IGSF11: variants seen among roughly 807,000 people sequenced by gnomAD.
IGSF11 encodes CXADR like 1.
IGSF11 carries 22 observed loss-of-function variants against 41.0 expected under a neutral mutation model. The ratio of observed to expected loss-of-function variants is 0.54; its 90% CI spans 0.38 to 0.77. IGSF11 has a LOEUF of 0.77. Among genes scored for constraint, IGSF11 ranks in the 30% least tolerant of loss-of-function variants. The pLI is 0.00. For synonymous variants in IGSF11, 219 were observed against 201.3 expected (o/e 1.09, Z -0.74); for missense variants, 444 against 530.8 (o/e 0.84, Z 1.61).
intron 1 of IGSF11, among the ~76,000 whole-genome samples, chr3:119,000,062 TC>T (rs1360659321): frequency 9.5e-5 from 14 of 147,070 alleles, no homozygotes; most frequent in South Asian, 4.2e-4. Context: ...GATTCATTAT[TC>T]TTTTTTTTTT....
chr3:118,988,764 G>A (rs1258470008), intron 1 of IGSF11, among the ~76,000 whole-genome samples: 2 of 152,114 alleles, frequency 1.3e-5, no homozygotes, highest in African/African-American at 2.4e-5. Flanking sequence ...ATGGCACTAC[G>A]AGTTCTATTC....
Position 119,034,757 on chromosome 3 carries a change from C to G in IGSF11, c.-175G>C. ...AGACCCACAGACGAGCCAAGTGCAGCTGCAGCGCCGCCCGGCTCCGCGGAC... is the reference window on the plus strand; with the variant it reads ...AGACCCACAGACGAGCCAAGTGCAGGTGCAGCGCCGCCCGGCTCCGCGGAC... On this transcript the variant is annotated 5_prime_UTR_variant, in exon 1 of 7. Coordinates refer to ENST00000393775, the MANE Select transcript of IGSF11 (RefSeq NM_001015887.3). The G allele has an allele frequency of 7.6e-7, 1 of 1,317,726 alleles. No individual in the cohort carries two copies. Among genetic ancestry groups the G allele is most frequent in the Non-Finnish European group, 9.7e-7 (1 of 1,032,162 alleles). The allele number at this position is 1,317,726 out of a possible 1,614,324, so 81.6% of individuals were successfully genotyped here.
intron 1 of IGSF11, chr3:118,944,724 T>G (rs1943986118): frequency 6.6e-6 from 1 of 152,192 alleles, no homozygotes; most frequent in Non-Finnish European, 1.5e-5. Context: ...ACAGTAAATG[T>G]TCAATATATT....
chr3:119,074,006 G>A (rs909864137), intron 1 of IGSF11, among the ~76,000 whole-genome samples: 39 of 152,174 alleles, frequency 2.6e-4, no homozygotes, highest in Non-Finnish European at 5.9e-5. Context: ...GGAGCACCCC[G>A]ATTCATAAAA....
At chr3:119,021,969 C>T (rs779026946) in intron 1 of IGSF11, among the ~76,000 whole-genome samples, 1 of 152,138 alleles carries the variant, frequency 6.6e-6, no homozygotes, top group South Asian at 2.1e-4. Flanking sequence ...TTTAAACCCA[C>T]TGAAACCAAG....
chr3:119,056,831 T>A (rs1447205102), intron 1 of IGSF11, among the ~76,000 whole-genome samples: 7 of 152,178 alleles, frequency 4.6e-5, no homozygotes. Flanking sequence ...TGCAAATCAA[T>A]CAACTTAATC....
chr3:118,994,975 A>C (rs959551415), intron 1 of IGSF11, among the ~76,000 whole-genome samples: 1 of 152,216 alleles, frequency 6.6e-6, no homozygotes, highest in Non-Finnish European at 1.5e-5. Flanking sequence ...TATGTAATAG[A>C]AAAGCGGCTT....
upstream of IGSF11, among the ~76,000 whole-genome samples, chr3:119,109,360 T>A (rs2077099504): frequency 6.6e-6 from 1 of 152,114 alleles, no homozygotes; most frequent in Admixed American, 6.6e-5. Context: ...CTTCTAGATT[T>A]TCTAGTTTAT....
chr3:118,981,956 A>G (rs562195748), intron 1 of IGSF11: 1 of 152,580 alleles, frequency 6.6e-6, no homozygotes, highest in African/African-American at 2.4e-5. Flanking sequence ...AATAACATAC[A>G]CTGCTTGTTA....
chr3:118,908,166 GC>G (rs2107475888), intron 4 of IGSF11, among the ~76,000 whole-genome samples: 1 of 152,256 alleles, frequency 6.6e-6, no homozygotes, highest in South Asian at 2.1e-4. Flanking sequence ...ATTTTAAACA[GC>G]TCCTCTACGC....
intron 4 of IGSF11, among the ~76,000 whole-genome samples, chr3:118,923,731 T>C (rs1341326376): frequency 6.6e-6 from 1 of 152,204 alleles, no homozygotes; most frequent in African/African-American, 2.4e-5. Context: ...TTTTTCAATT[T>C]GAACAGTTTT....
chr3:119,061,712 A>G (rs1942057155), intron 1 of IGSF11, among the ~76,000 whole-genome samples: 1 of 152,116 alleles, frequency 6.6e-6, no homozygotes, highest in African/African-American at 2.4e-5. Context: ...AACCCAAACT[A>G]AGACAACTAA....
intron 1 of IGSF11, among the ~76,000 whole-genome samples, chr3:119,102,893 C>A (rs1390208075): frequency 6.6e-6 from 1 of 151,850 alleles, no homozygotes; most frequent in Non-Finnish European, 1.5e-5. Context: ...CTTAGTATGT[C>A]TTCTCTGAGC....
intron 1 of IGSF11, among the ~76,000 whole-genome samples, chr3:119,097,957 A>ATT (rs377746200): frequency 0.24 from 14,199 of 58,142 alleles, 3,636 homozygotes; most frequent in South Asian, 0.32. Flanking sequence ...CATTCAGCTA[A>ATT]TTTTTTTTTT....
intron 1 of IGSF11, among the ~76,000 whole-genome samples, chr3:119,135,191 CA>C (rs2077542990): frequency 6.6e-6 from 1 of 152,270 alleles, no homozygotes; most frequent in African/African-American, 2.4e-5. Flanking sequence ...GCAATGGCAA[CA>C]AAAGCCAAAA....
At chr3:119,027,377 C>A (rs1939925550) in intron 1 of IGSF11, among the ~76,000 whole-genome samples, 1 of 151,956 alleles carries the variant, frequency 6.6e-6, no homozygotes, top group African/African-American at 2.4e-5. Flanking sequence ...AGTGTGAGAC[C>A]AGATATTCTT....
At chr3:118,949,124 T>C (rs1037798852) in intron 1 of IGSF11, 3 of 151,858 alleles carry the variant, frequency 2.0e-5, no homozygotes, top group Admixed American at 1.3e-4. Flanking sequence ...CAGGGTAGCA[T>C]AGAGGACAAA....
intron 1 of IGSF11, among the ~76,000 whole-genome samples, chr3:119,142,951 T>C (rs2077669667): frequency 6.6e-6 from 1 of 152,106 alleles, no homozygotes; most frequent in Non-Finnish European, 1.5e-5. Context: ...ACAACATATT[T>C]ACAGTTGAAA....
At chr3:118,908,176 G>A (rs1001528401) in intron 4 of IGSF11, among the ~76,000 whole-genome samples, 7 of 152,242 alleles carry the variant, frequency 4.6e-5, no homozygotes, top group South Asian at 4.2e-4. Context: ...GCTCCTCTAC[G>A]CAGCATTCTG....
Sources: allele counts gnomAD v4.1 joint callset (sites outside exome capture counted in the v4.1 genomes callset), GRCh38; gene constraint gnomAD v4.1.1; transcripts MANE v1.5; gene names NCBI Gene and HGNC (gene_info 2026-07-23, HGNC 2026-07-21).